SAR1A: variants seen among roughly 807,000 people sequenced by gnomAD.
SAR1A encodes secretion associated Ras related GTPase 1A, also known as small COPII coat GTPase SAR1A.
Under a neutral mutation model 22.6 loss-of-function variants are expected in SAR1A, and 6 were observed. That is an observed-to-expected ratio of 0.27 (90% CI 0.15 to 0.52). SAR1A has a LOEUF of 0.52. SAR1A is among the 20% of genes least tolerant of loss of function. The pLI is 0.96. For synonymous variants in SAR1A, 70 were observed against 82.2 expected, an observed-to-expected ratio of 0.85 and a Z score of 0.80; for missense variants, 145 against 245.1, an observed-to-expected ratio of 0.59 and a Z score of 2.73.
chr10:70,155,298 G>A (rs576093448), intron 5 of SAR1A, among the ~76,000 whole-genome samples: 1 of 152,030 alleles, frequency 6.6e-6, no homozygotes, highest in East Asian at 1.9e-4. Context: ...AGAGACCAAT[G>A]TCTAAATGAT....
intron 3 of SAR1A, 153 bp from the exon 4 acceptor site, chr10:70,161,222 G>C (rs1283831775): frequency 1.6e-6 from 1 of 608,020 alleles, no homozygotes. Context: ...CAGCTACTCA[G>C]GAGGCTGAGG....
intron 4 of SAR1A, among the ~76,000 whole-genome samples, chr10:70,158,244 T>C (rs1554827213): frequency 6.6e-6 from 1 of 152,240 alleles, no homozygotes; most frequent in Non-Finnish European, 1.5e-5. Context: ...CCAATTTTAC[T>C]CACTTAAATG....
intron 4 of SAR1A, among the ~76,000 whole-genome samples, chr10:70,159,550 T>C (rs978023208): frequency 5.3e-5 from 8 of 151,930 alleles, no homozygotes; most frequent in Non-Finnish European, 7.4e-5. Context: ...GGTGGGAGGA[T>C]TGCTTGAGCC....
At chr10:70,157,233 T>C (rs1243022751) in intron 5 of SAR1A, among the ~76,000 whole-genome samples, 1 of 151,898 alleles carries the variant, frequency 6.6e-6, no homozygotes, top group Non-Finnish European at 1.5e-5. Context: ...TGAAACTCCG[T>C]CGCTACTAAA....
intron 5 of SAR1A, among the ~76,000 whole-genome samples, chr10:70,155,832 T>C (rs76794108): frequency 0.035 from 5,357 of 152,302 alleles, 114 homozygotes; most frequent in East Asian, 0.058. Flanking sequence ...GTTGTTTGTT[T>C]GGAATATAGT....
chr10:70,167,599 T>C (rs555727602), intron 1 of SAR1A: 8 of 147,416 alleles, frequency 5.4e-5, no homozygotes, highest in South Asian at 2.2e-4. Flanking sequence ...CAGGACTCCA[T>C]CTCAAAAAAA....
At chr10:70,167,161 A>T (rs752407921) in intron 1 of SAR1A, among the ~76,000 whole-genome samples, 1 of 152,152 alleles carries the variant, frequency 6.6e-6, no homozygotes, top group Non-Finnish European at 1.5e-5. Flanking sequence ...TAATAAGCAA[A>T]ATGACCTCTG....
At chr10:70,158,823 G>A (rs1276810730) in intron 4 of SAR1A, among the ~76,000 whole-genome samples, 7 of 150,750 alleles carry the variant, frequency 4.6e-5, no homozygotes, top group Admixed American at 3.3e-4. Flanking sequence ...TGGTGGCTAG[G>A]TTATTATGTA....
intron 1 of SAR1A, among the ~76,000 whole-genome samples, chr10:70,168,059 G>A (rs1839575886): frequency 6.6e-6 from 1 of 152,078 alleles, no homozygotes; most frequent in South Asian, 2.1e-4. Flanking sequence ...CTACTGCCTG[G>A]AGAAGCACAG....
intron 1 of SAR1A, among the ~76,000 whole-genome samples, chr10:70,167,955 C>G (rs139519218): frequency 5.8e-4 from 88 of 152,334 alleles, no homozygotes; most frequent in African/African-American, 2.0e-3. Flanking sequence ...AGCTCCTGTG[C>G]TGAAATTCCC....
intron 4 of SAR1A, among the ~76,000 whole-genome samples, chr10:70,159,429 C>T (rs1183609154): frequency 6.6e-6 from 1 of 152,204 alleles, no homozygotes; most frequent in Non-Finnish European, 1.5e-5. Context: ...CACAGTGGCT[C>T]ACGCCCATAA....
chr10:70,166,001 C>A (rs746484559), intron 1 of SAR1A, among the ~76,000 whole-genome samples: 3 of 152,248 alleles, frequency 2.0e-5, no homozygotes, highest in Non-Finnish European at 4.4e-5. Context: ...AGATCCCCAA[C>A]CAGCAAAGAG....
chr10:70,152,462 T>C lies in SAR1A; in HGVS notation c.*14A>G. 3.2e-6 allele frequency: 5 copies of C among 1,580,702 alleles called. No individual in the cohort carries two copies. The highest frequency in any genetic ancestry group is 4.3e-6 in the Non-Finnish European group (5 of 1,149,550). On this transcript the variant is annotated 3_prime_UTR_variant, in exon 7 of 7. Coordinates refer to ENST00000373241, the MANE Select transcript of SAR1A (RefSeq NM_020150.5). ...CCAGAGAAGTAAAACTCTTTTATTTTCACCGTCCAAACATCAGTCAATATA... is the reference window on the plus strand; with the variant it reads ...CCAGAGAAGTAAAACTCTTTTATTTCCACCGTCCAAACATCAGTCAATATA...
Position 70,148,415 on chromosome 10 carries a change from G to T in SAR1A, c.*4061C>A, listed in dbSNP as rs1402139976. ...ATTAGGCCATCTTGCCATAGCAGGCGGTCTTCTTTTGGTTCTATGACACAG... is the reference window on the plus strand; with the variant it reads ...ATTAGGCCATCTTGCCATAGCAGGCTGTCTTCTTTTGGTTCTATGACACAG... On this transcript the variant is annotated 3_prime_UTR_variant, in exon 7 of 7. Coordinates refer to ENST00000373241, the MANE Select transcript of SAR1A (RefSeq NM_020150.5). The T allele has an allele frequency of 6.6e-6, 1 of 152,052 alleles. No individual in the cohort carries two copies. Among genetic ancestry groups the T allele is most frequent in the Admixed American group, 6.5e-5 (1 of 15,270 alleles). The allele number at this position is 152,052 out of a possible 1,614,324, so 9.4% of individuals were successfully genotyped here. A position where few individuals can be genotyped will look rare whatever the true frequency, so the allele number is the denominator to read the frequency against.
chr10:70,153,836 A>G lies in SAR1A; in HGVS notation c.480+2T>C, dbSNP rs760202931. The G allele has an allele frequency of 1.0e-5, 16 of 1,575,688 alleles. No individual in the cohort carries two copies. In the Admixed American group the frequency reaches 3.3e-4, roughly 33 times the overall value. ...TATGTAACCCAAATATTTTTCTCTTACCTTTCCTGTGGTCTGTCCATAAAG... is the reference window on the plus strand; with the variant it reads ...TATGTAACCCAAATATTTTTCTCTTGCCTTTCCTGTGGTCTGTCCATAAAG... On this transcript the variant is annotated splice_donor_variant, in intron 6 of 6. Transcript: ENST00000373241. LOFTEE classifies it high-confidence loss of function.
chr10:70,148,824 C>T lies in SAR1A; in HGVS notation c.*3652G>A, dbSNP rs1839294892. The T allele has an allele frequency of 6.7e-6, 1 of 149,564 alleles. No homozygotes were observed. The highest frequency in any genetic ancestry group is 2.5e-5 in the African/African-American group (1 of 40,512). The allele number at this position is 149,564 out of a possible 1,614,324, so 9.3% of individuals were successfully genotyped here. On this transcript the variant is annotated 3_prime_UTR_variant, in exon 7 of 7. Transcript: ENST00000373241. The stretch of plus-strand genomic sequence containing the variant: ...AAACAAACAAACAAACAAACTTTCT[C>T]TCTCGAGTCCAGTGATTCTCCCTCA...
chr10:70,169,335 TCCTTA>T (rs139797987), intron 1 of SAR1A, among the ~76,000 whole-genome samples: 1,554 of 152,312 alleles, frequency 0.01, 22 homozygotes, highest in African/African-American at 0.036. Context: ...GAAGTTCTCT[TCCTTA>T]CAACTCATCA....
At chr10:70,170,206 G>A (rs1839607979) in intron 1 of SAR1A, among the ~76,000 whole-genome samples, 1 of 152,036 alleles carries the variant, frequency 6.6e-6, no homozygotes, top group Non-Finnish European at 1.5e-5. Context: ...GTGGACCCCA[G>A]GCAAAGAGGA....
At chr10:70,153,592 C>CA (rs1839353455) in intron 6 of SAR1A, among the ~76,000 whole-genome samples, 1 of 152,174 alleles carries the variant, frequency 6.6e-6, no homozygotes, top group Non-Finnish European at 1.5e-5. Flanking sequence ...TAATCATAAA[C>CA]TCTTAGAAGA....
Sources: gnomAD v4.1 joint callset for allele counts (sites outside exome capture counted in the v4.1 genomes callset) on GRCh38, gnomAD v4.1.1 for gene constraint, MANE v1.5 for transcripts, NCBI Gene and HGNC (gene_info 2026-07-23, HGNC 2026-07-21) for gene names.